The following ZBTB7C variants were observed in gnomAD, a reference collection of about 807,000 sequenced individuals.
ZBTB7C encodes zinc finger and BTB domain containing 7C, also known as zinc finger and BTB domain-containing protein 7C.
A neutral mutation model predicts 25.7 loss-of-function variants in ZBTB7C; 8 were observed. The ratio of observed to expected loss-of-function variants is 0.31; its 90% CI spans 0.18 to 0.56. ZBTB7C has a LOEUF of 0.56. Ranked by LOEUF, ZBTB7C falls within the 20% of genes least tolerant of loss-of-function variation. ZBTB7C has a pLI of 0.91. For synonymous variants in ZBTB7C, 394 were observed against 369.0 expected (o/e 1.07, Z -0.78); for missense variants, 824 against 855.2 (o/e 0.96, Z 0.46).
At chr18:48,212,407 CAT>C (rs1377130796) in intron 2 of ZBTB7C, among the ~76,000 whole-genome samples, 1 of 150,616 alleles carries the variant, frequency 6.6e-6, no homozygotes, top group Non-Finnish European at 1.5e-5. Flanking sequence ...ATGATGGACA[CAT>C]GTCATTATAC....
At chr18:48,153,398 T>G (rs188497190) in intron 3 of ZBTB7C, among the ~76,000 whole-genome samples, 1 of 152,060 alleles carries the variant, frequency 6.6e-6, no homozygotes, top group East Asian at 1.9e-4. Context: ...TTGCACCCAC[T>G]CTCTTTCTGT....
intron 3 of ZBTB7C, among the ~76,000 whole-genome samples, chr18:48,075,236 G>A (rs4432312): frequency 0.53 from 80,507 of 152,082 alleles, 23,790 homozygotes; most frequent in African/African-American, 0.81. Context: ...GCTCCTCAAG[G>A]CATACTGGCC....
At chr18:48,109,777 T>C (rs1312324145) in intron 3 of ZBTB7C, among the ~76,000 whole-genome samples, 1 of 152,060 alleles carries the variant, frequency 6.6e-6, no homozygotes, top group Non-Finnish European at 1.5e-5. Context: ...AAAAGGTATT[T>C]ATTAAAAAGG....
chr18:48,094,342 T>C (rs1027769757), intron 3 of ZBTB7C, among the ~76,000 whole-genome samples: 2 of 152,216 alleles, frequency 1.3e-5, no homozygotes, highest in African/African-American at 4.8e-5. Flanking sequence ...CATGCCACAG[T>C]TGTAGCATTT....
At chr18:48,217,352 T>A (rs2042848532) in intron 2 of ZBTB7C, among the ~76,000 whole-genome samples, 1 of 152,130 alleles carries the variant, frequency 6.6e-6, no homozygotes, top group Non-Finnish European at 1.5e-5. Context: ...GAAGCATTAC[T>A]AAGACACAGA....
At chr18:48,373,185 G>A (rs933905537) in intron 1 of ZBTB7C, among the ~76,000 whole-genome samples, 4 of 152,078 alleles carry the variant, frequency 2.6e-5, no homozygotes, top group Non-Finnish European at 1.5e-5. Flanking sequence ...GGGCCTGGTG[G>A]GAGGATTTGA....
At chr18:48,120,122 C>T (rs539115329) in intron 3 of ZBTB7C, among the ~76,000 whole-genome samples, 1 of 152,216 alleles carries the variant, frequency 6.6e-6, no homozygotes, top group South Asian at 2.1e-4. Context: ...AGACCTTGGG[C>T]CACAGTAAGG....
At chr18:48,367,276 A>C (rs1322869835) in intron 1 of ZBTB7C, among the ~76,000 whole-genome samples, 1 of 135,816 alleles carries the variant, frequency 7.4e-6, no homozygotes, top group Non-Finnish European at 1.6e-5. Context: ...ATGTATATGT[A>C]TATGTAAATA....
intron 3 of ZBTB7C, among the ~76,000 whole-genome samples, chr18:48,130,100 G>A (rs1414319413): frequency 3.3e-5 from 5 of 152,112 alleles, no homozygotes; most frequent in South Asian, 4.1e-4. Flanking sequence ...CCTTACCTAC[G>A]TGCTGTGAAT....
intron 1 of ZBTB7C, among the ~76,000 whole-genome samples, chr18:48,348,052 A>G (rs2046781486): frequency 1.3e-5 from 2 of 152,236 alleles, no homozygotes; most frequent in Admixed American, 6.5e-5. Context: ...AAATAGCATG[A>G]GCCTTGCAAA....
chr18:48,075,233 A>G (rs2037716318), intron 3 of ZBTB7C, among the ~76,000 whole-genome samples: 2 of 152,222 alleles, frequency 1.3e-5, no homozygotes, highest in African/African-American at 4.8e-5. Context: ...ACAGCTCCTC[A>G]AGGCATACTG....
At chr18:48,124,991 A>T (rs1222739376) in intron 3 of ZBTB7C, among the ~76,000 whole-genome samples, 1 of 152,164 alleles carries the variant, frequency 6.6e-6, no homozygotes, top group Non-Finnish European at 1.5e-5. Context: ...TGGCAGGAGA[A>T]ACGCCACGGT....
intron 3 of ZBTB7C, among the ~76,000 whole-genome samples, chr18:48,074,239 C>G (rs1007516314): frequency 2.0e-5 from 3 of 152,146 alleles, no homozygotes; most frequent in Admixed American, 6.5e-5. Flanking sequence ...GTCTTGAACT[C>G]CTGATCTCAG....
intron 3 of ZBTB7C, among the ~76,000 whole-genome samples, chr18:48,133,193 G>C (rs1442337161): frequency 1.3e-5 from 2 of 152,272 alleles, no homozygotes; most frequent in East Asian, 3.9e-4. Context: ...CTACCATTGT[G>C]GGGCAGCTCT....
At position 48,028,855 on chromosome 18, in the gene ZBTB7C, C is replaced by T. The variant is rs1406927005; in HGVS notation, c.*405G>A. ...AGAGACTTTGCCATAGGGGGTGGGG[C>T]TTAACCAAGGTGCATGCCCAGCCCC... On this transcript the variant is annotated 3_prime_UTR_variant, in exon 5 of 5. Coordinates refer to ENST00000590800, the MANE Select transcript of ZBTB7C (RefSeq NM_001318841.2). 1.5e-5 allele frequency: 3 copies of T among 199,780 alleles called. No homozygotes were observed. The highest frequency in any genetic ancestry group is 3.3e-4 in the East Asian group (2 of 6,116). 12.4% of individuals were successfully genotyped at this position (199,780 alleles called of 1,614,324 possible). A position where few individuals can be genotyped will look rare whatever the true frequency, so the allele number is the denominator to read the frequency against.
chr18:48,365,867 A>C (rs1200220555), intron 1 of ZBTB7C, among the ~76,000 whole-genome samples: 3 of 152,234 alleles, frequency 2.0e-5, no homozygotes, highest in Non-Finnish European at 4.4e-5. Flanking sequence ...AAATGGTAAC[A>C]GGGATAAGGG....
chr18:48,095,097 G>A lies in ZBTB7C; in HGVS notation c.-16-53974C>T, dbSNP rs113851177. Among the ~76,000 whole-genome samples the A allele has an allele frequency of 6.1e-3, 935 of 152,234 alleles. 10 individuals carry two copies. Among genetic ancestry groups the A allele is most frequent in the African/African-American group, 0.021 (879 of 41,522 alleles). ...ATTCCCTCCTGGTAGTAACCAGGTG[G>A]GAATTTGAACTTTGGCAATATAACA... On this transcript the variant is annotated intron_variant, in intron 3 of 4. Coordinates refer to ENST00000590800, the MANE Select transcript of ZBTB7C (RefSeq NM_001318841.2).
intron 3 of ZBTB7C, among the ~76,000 whole-genome samples, chr18:48,136,276 G>A (rs2040156964): frequency 6.6e-6 from 1 of 152,188 alleles, no homozygotes; most frequent in Non-Finnish European, 1.5e-5. Context: ...CGTCTCCGGA[G>A]CTGAGAGACT....
At chr18:48,105,382 G>T (rs1377735634) in intron 3 of ZBTB7C, among the ~76,000 whole-genome samples, 1 of 152,170 alleles carries the variant, frequency 6.6e-6, no homozygotes, top group Non-Finnish European at 1.5e-5. Flanking sequence ...AAGAATCTCA[G>T]TGCTTCTCAA....
Sources: gnomAD v4.1 joint callset for allele counts (sites outside exome capture counted in the v4.1 genomes callset) on GRCh38, gnomAD v4.1.1 for gene constraint, MANE v1.5 for transcripts, NCBI Gene and HGNC (gene_info 2026-07-23, HGNC 2026-07-21) for gene names.